Variants in DENND2A observed in about 807,000 individuals in gnomAD.
The protein encoded by DENND2A is DENN domain-containing protein 2A.
DENND2A carries 53 observed loss-of-function variants against 105.3 expected under a neutral mutation model. The ratio of observed to expected loss-of-function variants is 0.50; its 90% CI spans 0.40 to 0.63. The LOEUF is 0.63. Among genes scored for constraint, DENND2A ranks in the 30% least tolerant of loss-of-function variants. The pLI is 0.00. For synonymous variants in DENND2A, 522 were observed against 508.4 expected (o/e 1.03, Z -0.36); for missense variants, 1,138 against 1,279.6 (o/e 0.89, Z 1.69).
intron 14 of DENND2A, among the ~76,000 whole-genome samples, chr7:140,528,760 CA>C (rs555432046): frequency 0.011 from 1,130 of 100,140 alleles, 6 homozygotes; most frequent in Middle Eastern, 0.029. Context: ...AACTCCATCT[CA>C]AAAAAAAAAA....
At chr7:140,579,186 G>A (rs1298991111) in intron 5 of DENND2A, among the ~76,000 whole-genome samples, 2 of 151,636 alleles carry the variant, frequency 1.3e-5, no homozygotes, top group East Asian at 2.0e-4. Flanking sequence ...CCAGCTACTC[G>A]AGAGGCTGAG....
chr7:140,580,264 C>T (rs1798483833), intron 5 of DENND2A, among the ~76,000 whole-genome samples: 2 of 151,526 alleles, frequency 1.3e-5, no homozygotes, highest in Admixed American at 1.3e-4. Context: ...TTTACAATTA[C>T]AATGTTTTCA....
At chr7:140,547,507 AT>A (rs1796955868) in intron 12 of DENND2A, among the ~76,000 whole-genome samples, 1 of 152,222 alleles carries the variant, frequency 6.6e-6, no homozygotes, top group African/African-American at 2.4e-5. Context: ...ACATGGAGAA[AT>A]TAGAAATCTC....
At position 140,640,037 on chromosome 7, in the gene DENND2A, T is replaced by C. The variant is rs1429311263; in HGVS notation, c.-248+467A>G. 6.6e-6 allele frequency among the ~76,000 whole-genome samples: 1 copy of C among 152,230 alleles called. No homozygotes were observed. Among genetic ancestry groups the C allele is most frequent in the Admixed American group, 6.5e-5 (1 of 15,290 alleles). On this transcript the variant is annotated intron_variant, in intron 1 of 19. Transcript: ENST00000496613. The surrounding 1 kb of genome is among the most constrained non-coding windows in gnomAD (Gnocchi z 4.9). ...CTTGCTTTCCCAAGACTGCAAATGCTGACCGCTGTGAGGGGGGCCCGGCTG... is the reference window on the plus strand; with the variant it reads ...CTTGCTTTCCCAAGACTGCAAATGCCGACCGCTGTGAGGGGGGCCCGGCTG...
intron 6 of DENND2A, among the ~76,000 whole-genome samples, 174 bp from the exon 7 acceptor site, chr7:140,569,912 G>A (rs1387079871): frequency 6.7e-6 from 1 of 150,218 alleles, no homozygotes; most frequent in Non-Finnish European, 1.5e-5. Flanking sequence ...TTATTTTTTT[G>A]AGGCAGAGTT....
At chr7:140,586,285 G>A (rs548509706) in intron 4 of DENND2A, among the ~76,000 whole-genome samples, 3 of 152,092 alleles carry the variant, frequency 2.0e-5, no homozygotes, top group Non-Finnish European at 4.4e-5. Context: ...TTGGGAGGCC[G>A]AAGGGGGTGG....
intron 5 of DENND2A, among the ~76,000 whole-genome samples, chr7:140,584,731 G>A (rs571864775): frequency 1.2e-4 from 19 of 152,136 alleles, no homozygotes; most frequent in African/African-American, 4.1e-4. Context: ...TTGGGTATCC[G>A]CACAGAGATT....
At chr7:140,544,344 G>A in intron 14 of DENND2A, 1 of 533,454 alleles carries the variant, frequency 1.9e-6, no homozygotes, top group Non-Finnish European at 3.4e-6. Flanking sequence ...ACAAGCGTGG[G>A]CCACCATGGC....
rs1270169952 is a variant in DENND2A, at chr7:140,572,503, C to G, written c.1446+1305G>C. Among the ~76,000 whole-genome samples the G allele has an allele frequency of 5.3e-5, 8 of 151,948 alleles. No homozygotes were observed. In the East Asian group the frequency reaches 1.6e-3, roughly 30 times the overall value. On this transcript the variant is annotated intron_variant, in intron 6 of 19. Transcript: ENST00000496613. ...CCTGGCTGGGCACGGTGGCTCATGCCTGTAATCCCAGCACTTTGGGAGGCT... is the reference window on the plus strand; with the variant it reads ...CCTGGCTGGGCACGGTGGCTCATGCGTGTAATCCCAGCACTTTGGGAGGCT...
At chr7:140,618,843 G>A (rs962480442) in intron 1 of DENND2A, among the ~76,000 whole-genome samples, 5 of 151,060 alleles carry the variant, frequency 3.3e-5, no homozygotes, top group East Asian at 3.9e-4. Context: ...TTGCTCTGTC[G>A]CTTAGGCTGG....
At chr7:140,619,959 A>G (rs185199643) in intron 1 of DENND2A, among the ~76,000 whole-genome samples, 33 of 152,006 alleles carry the variant, frequency 2.2e-4, no homozygotes, top group Middle Eastern at 6.8e-3. Context: ...TTGGAAGGCC[A>G]AGGCTGGTGG....
At chr7:140,552,656 C>A (rs1265685098) in intron 12 of DENND2A, among the ~76,000 whole-genome samples, 1 of 152,120 alleles carries the variant, frequency 6.6e-6, no homozygotes, top group Non-Finnish European at 1.5e-5. Context: ...CCTTGGCCTC[C>A]CAAAGTACTA....
At chr7:140,546,428 AC>A (rs1796907509) in intron 13 of DENND2A, among the ~76,000 whole-genome samples, 1 of 152,194 alleles carries the variant, frequency 6.6e-6, no homozygotes, top group African/African-American at 2.4e-5. Flanking sequence ...AAAAACAAAA[AC>A]AAAAAATAAA....
intron 15 of DENND2A, among the ~76,000 whole-genome samples, chr7:140,526,967 A>T (rs1029992908): frequency 2.0e-5 from 3 of 152,136 alleles, no homozygotes; most frequent in African/African-American, 7.2e-5. Context: ...AACGGACCAG[A>T]TCTTGCTAGC....
chr7:140,550,131 G>C (rs1396091774), intron 12 of DENND2A, among the ~76,000 whole-genome samples: 6 of 45,968 alleles, frequency 1.3e-4, no homozygotes, highest in Admixed American at 5.2e-4. Flanking sequence ...GAGGGGATAG[G>C]GGTGGGGTTA....
chr7:140,591,645 C>CCATT (rs1799021197), intron 3 of DENND2A, among the ~76,000 whole-genome samples: 1 of 148,210 alleles, frequency 6.7e-6, no homozygotes, highest in African/African-American at 2.6e-5. Flanking sequence ...TATTTTCCCT[C>CCATT]CCTTCCTTCC....
At chr7:140,540,281 G>A (rs192135304) in intron 14 of DENND2A, among the ~76,000 whole-genome samples, 10 of 152,380 alleles carry the variant, frequency 6.6e-5, no homozygotes, top group African/African-American at 2.4e-4. Context: ...AGCTGCTGCA[G>A]AAGAAAACCC....
At chr7:140,567,304 AAGAGAGAGAGAGAGAG>A (rs60964847) in intron 8 of DENND2A, 31 bp from the exon 9 acceptor site, 60 of 659,824 alleles carry the variant, frequency 9.1e-5, no homozygotes, top group Non-Finnish European at 1.2e-4. Context: ...GAAAGAGAGA[AAGAGAGAGAGAGAGAG>A]AGAGAGAGAG....
At chr7:140,604,149 A>G (rs889216370) in intron 2 of DENND2A, among the ~76,000 whole-genome samples, 1 of 152,228 alleles carries the variant, frequency 6.6e-6, no homozygotes, top group Non-Finnish European at 1.5e-5. Context: ...ATCTGACCGC[A>G]TGGAAATTCT....
Sources: gnomAD v4.1 joint callset for allele counts (sites outside exome capture counted in the v4.1 genomes callset) on GRCh38, gnomAD v4.1.1 for gene constraint, Gnocchi (gnomAD v3.1) non-coding constraint, MANE v1.5 for transcripts, NCBI Gene and HGNC (gene_info 2026-07-23, HGNC 2026-07-21) for gene names.